FRMPD4: variants seen among roughly 807,000 people sequenced by gnomAD.
The protein encoded by FRMPD4 is FERM and PDZ domain-containing protein 4.
In FRMPD4, 22 loss-of-function variants were observed where a neutral mutation model predicts 94.1. That is an observed-to-expected ratio of 0.23 (90% CI 0.17 to 0.33). FRMPD4 has a LOEUF of 0.33. FRMPD4 is among the 10% of genes least tolerant of loss of function. The pLI is 1.00. For missense variants in FRMPD4, 1,111 were observed against 1,339.9 expected (o/e 0.83, Z 2.67); for synonymous variants, 631 against 548.6 (o/e 1.15, Z -2.10).
chrX:12,601,116 A>C lies in FRMPD4; in HGVS notation c.159-8605A>C, dbSNP rs763881492. Among the ~76,000 whole-genome samples, 20 of 112,313 alleles carry C rather than the reference A, an allele frequency of 1.8e-4. No individual in the cohort carries two copies. In the South Asian group the frequency reaches 7.0e-3, roughly 39 times the overall value. ...CTAAACATTTTGTGATTTTAAATTT[A>C]ATTGTTCTGGATTGTCTCGGCTTTT... On this transcript the variant is annotated intron_variant, in intron 2 of 16. Transcript: ENST00000675598.
chrX:12,494,604 G>A (rs1029786233), intron 1 of FRMPD4, among the ~76,000 whole-genome samples: 1 of 111,367 alleles, frequency 9.0e-6, no homozygotes, highest in African/African-American at 3.3e-5. Context: ...CCTCCAGGTG[G>A]CTCCTGAAAG....
At chrX:11,885,606 G>T (rs756988477) in intron 3 of FRMPD4, among the ~76,000 whole-genome samples, 1 of 111,227 alleles carries the variant, frequency 9.0e-6, no homozygotes, top group Admixed American at 9.5e-5. Context: ...AACATGCCCT[G>T]CTTTGGTGTA....
At position 12,707,645 on chromosome X, in the gene FRMPD4, T is replaced by C; in HGVS notation, c.1464T>C (p.Asp488=). ...SLVRVELHVL[D]VKPITLLMES... is the part of the protein sequence containing the mutation. ...TGCGGGTAGAACTCCACGTGCTAGA[T>C]GTGAAGGCAAGTTTCTCAGGTGTTG... Residue 488 remains aspartate, a synonymous_variant, in exon 13 of 17, where the codon GAT becomes GAC. Coordinates refer to ENST00000675598, the MANE Select transcript of FRMPD4 (RefSeq NM_001368397.1). The C allele has an allele frequency of 8.4e-7, 1 of 1,196,737 alleles. No individual in the cohort carries two copies. The highest frequency in any genetic ancestry group is 1.7e-5 in the African/African-American group (1 of 57,549).
At chrX:12,338,791 A>G (rs1418797383) in intron 1 of FRMPD4, among the ~76,000 whole-genome samples, 3 of 112,453 alleles carry the variant, frequency 2.7e-5, no homozygotes, top group African/African-American at 6.5e-5. Context: ...AGAGGTTTCC[A>G]GAGGTGAAGC....
At chrX:12,423,282 C>T (rs2056907977) in intron 1 of FRMPD4, among the ~76,000 whole-genome samples, 1 of 110,709 alleles carries the variant, frequency 9.0e-6, no homozygotes, top group South Asian at 3.8e-4. Flanking sequence ...CAAAAATTTC[C>T]CACTCCCGAA....
chrX:12,635,067 T>C (rs1341198480), intron 4 of FRMPD4, among the ~76,000 whole-genome samples: 1 of 110,814 alleles, frequency 9.0e-6, no homozygotes, highest in Non-Finnish European at 1.9e-5. Flanking sequence ...CTCCTGACCT[T>C]AGGCAATCCT....
intron 10 of FRMPD4, among the ~76,000 whole-genome samples, chrX:12,703,373 A>G (rs2041821381): frequency 8.9e-6 from 1 of 112,536 alleles, no homozygotes; most frequent in Admixed American, 9.4e-5. Context: ...CAAATGATGG[A>G]TAAGACAATA....
At chrX:12,291,006 A>C (rs2054678733) in intron 1 of FRMPD4, among the ~76,000 whole-genome samples, 1 of 15,236 alleles carries the variant, frequency 6.6e-5, no homozygotes, top group South Asian at 7.2e-3. Flanking sequence ...TTGTGACTTT[A>C]ATGTTCACTT....
chrX:12,547,324 G>A (rs2148323628), intron 2 of FRMPD4, among the ~76,000 whole-genome samples: 1 of 111,576 alleles, frequency 9.0e-6, no homozygotes, highest in East Asian at 2.8e-4. Context: ...CAGAAGCCAT[G>A]CTTTGGTCAC....
At chrX:12,159,965 A>G (rs1193287190) in intron 1 of FRMPD4, among the ~76,000 whole-genome samples, 2 of 111,349 alleles carry the variant, frequency 1.8e-5, no homozygotes, top group Non-Finnish European at 3.8e-5. Context: ...GAAGGGCTAG[A>G]AAGAGGGTTA....
At chrX:12,629,171 G>C (rs2059373954) in intron 4 of FRMPD4, among the ~76,000 whole-genome samples, 1 of 112,224 alleles carries the variant, frequency 8.9e-6, no homozygotes, top group Non-Finnish European at 1.9e-5. Context: ...AACCATATCA[G>C]CATCCTAGCT....
chrX:11,915,721 C>T (rs2054021197), intron 3 of FRMPD4, among the ~76,000 whole-genome samples: 1 of 112,109 alleles, frequency 8.9e-6, no homozygotes, highest in Non-Finnish European at 1.9e-5. Context: ...CATTGGACAG[C>T]ACTGGTGTAG....
chrX:12,317,585 C>CAAAAAAAAAAAAAAAAAAAAAAAAAA (rs376884335), intron 1 of FRMPD4, among the ~76,000 whole-genome samples: 1 of 42,449 alleles, frequency 2.4e-5, no homozygotes, highest in African/African-American at 8.3e-5. Context: ...AACTAAATAG[C>CAAAAAAAAAAAAAAAAAAAAAAAAAA]AAAAAAAAAA....
chrX:12,385,163 G>A (rs994916073), intron 1 of FRMPD4, among the ~76,000 whole-genome samples: 1 of 112,532 alleles, frequency 8.9e-6, no homozygotes, highest in African/African-American at 3.2e-5. Flanking sequence ...GACAAGTCTT[G>A]CAGAAACAGG....
chrX:12,068,070 A>G (rs981933422), intron 3 of FRMPD4, among the ~76,000 whole-genome samples: 4 of 111,694 alleles, frequency 3.6e-5, no homozygotes, highest in African/African-American at 1.3e-4. Context: ...AGATGGAAGC[A>G]GAGGTGAGAG....
chrX:12,510,463 A>G (rs1455987925), intron 2 of FRMPD4, among the ~76,000 whole-genome samples: 1 of 112,200 alleles, frequency 8.9e-6, no homozygotes, highest in African/African-American at 3.2e-5. Flanking sequence ...GTGTTCTAAA[A>G]TAATGTCAGA....
intron 3 of FRMPD4, among the ~76,000 whole-genome samples, chrX:11,919,244 T>C (rs1280939055): frequency 1.8e-5 from 2 of 112,499 alleles, no homozygotes; most frequent in African/African-American, 6.5e-5. Context: ...CAAAAATATA[T>C]CTCAGCATTG....
intron 2 of FRMPD4, among the ~76,000 whole-genome samples, chrX:11,867,649 T>C (rs777507198): frequency 1.1e-3 from 120 of 111,977 alleles, no homozygotes; most frequent in African/African-American, 3.8e-3. Context: ...AAAATGCTGA[T>C]ATTTTCAGCC....
At chrX:12,454,007 G>C (rs1482422909) in intron 1 of FRMPD4, among the ~76,000 whole-genome samples, 4 of 112,267 alleles carry the variant, frequency 3.6e-5, no homozygotes, top group African/African-American at 1.3e-4. Flanking sequence ...AAATAAATAT[G>C]GTGCAGGAAA....
Sources: gnomAD v4.1 joint callset for allele counts (sites outside exome capture counted in the v4.1 genomes callset) on GRCh38, gnomAD v4.1.1 for gene constraint, MANE v1.5 for transcripts, NCBI Gene and HGNC (gene_info 2026-07-23, HGNC 2026-07-21) for gene names.